Variants in SDC3 observed in about 807,000 individuals in gnomAD.
The protein encoded by SDC3 is syndecan 3, also known as syndecan-3.
A neutral mutation model predicts 24.4 loss-of-function variants in SDC3; 13 were observed. That is an observed-to-expected ratio of 0.53 (90% CI 0.35 to 0.85). SDC3 has a LOEUF of 0.85. SDC3 is among the 40% of genes least tolerant of loss of function. The pLI is 0.01. For synonymous variants in SDC3, 295 were observed against 260.9 expected (o/e 1.13, Z -1.26); for missense variants, 571 against 584.5 (o/e 0.98, Z 0.24).
intron 1 of SDC3, among the ~76,000 whole-genome samples, chr1:30,907,018 A>G (rs1638530778): frequency 1.3e-5 from 2 of 152,128 alleles, no homozygotes; most frequent in Non-Finnish European, 2.9e-5. Context: ...AAGGCTGAGG[A>G]GGGGCCTGTC....
At chr1:30,892,341 A>T (rs1303499340) in intron 1 of SDC3, among the ~76,000 whole-genome samples, 1 of 152,136 alleles carries the variant, frequency 6.6e-6, no homozygotes, top group African/African-American at 2.4e-5. Context: ...AGCTTCTGCC[A>T]GTAGGGACCT....
intron 1 of SDC3, among the ~76,000 whole-genome samples, chr1:30,904,896 G>A (rs4949324): frequency 0.7 from 106,140 of 152,020 alleles, 37,525 homozygotes; most frequent in South Asian, 0.84. Flanking sequence ...TCATTTCCAA[G>A]TCACAACATC....
In SDC3 at chr1:30,878,623, A is replaced by G. The variant is rs768050511; in HGVS notation, c.256T>C (p.Tyr86His). 1 of 1,612,976 alleles carries G rather than the reference A, an allele frequency of 6.2e-7. No individual in the cohort carries two copies. The highest frequency in any genetic ancestry group is 8.5e-7 in the Non-Finnish European group (1 of 1,178,876). Residue 86 changes from tyrosine (Y) to histidine (H), a missense_variant and splice_region_variant, in exon 2 of 5, where the codon TAC becomes CAC. Tyr to His is a moderately conservative substitution (Grantham distance 83). Coordinates refer to ENST00000339394, the MANE Select transcript of SDC3 (RefSeq NM_014654.4). ...DDLYSGSGSGYFEQESGIETA... is the reference protein window; with the variant it reads ...DDLYSGSGSGHFEQESGIETA... ...CAGAGGTAGGGAGGGGGGTACTTAC[A>G]GCCCGAGCCCGACCCCGAGTAGAGG... is the stretch of plus-strand genomic sequence containing the variant.
At chr1:30,908,403 G>T (rs1638574882) in intron 1 of SDC3, 46 bp downstream of exon 1, 1 of 996,858 alleles carries the variant, frequency 1.0e-6, no homozygotes, top group African/African-American at 1.8e-5. Flanking sequence ...CGCGCGGGGG[G>T]CGGCCCCGGG....
chr1:30,886,270 C>T (rs554324872), intron 1 of SDC3, among the ~76,000 whole-genome samples: 1 of 152,302 alleles, frequency 6.6e-6, no homozygotes, highest in East Asian at 1.9e-4. Context: ...GGTTATTAAG[C>T]TCCTACTGTG....
At chr1:30,893,840 CCGG>C (rs1044341566) in intron 1 of SDC3, among the ~76,000 whole-genome samples, 3 of 152,150 alleles carry the variant, frequency 2.0e-5, no homozygotes, top group African/African-American at 7.2e-5. Context: ...CCCTAGCCTG[CCGG>C]CATCCAGAGT....
intron 1 of SDC3, among the ~76,000 whole-genome samples, chr1:30,880,387 G>C (rs895637744): frequency 1.3e-5 from 2 of 150,998 alleles, no homozygotes; most frequent in Non-Finnish European, 3.0e-5. Flanking sequence ...GGGTGGGCTG[G>C]GGGTACGAGA....
At chr1:30,885,850 C>T (rs966650076) in intron 1 of SDC3, among the ~76,000 whole-genome samples, 2 of 152,226 alleles carry the variant, frequency 1.3e-5, no homozygotes, top group African/African-American at 2.4e-5. Context: ...GGCTGCCCTA[C>T]AGCAGCCCAC....
intron 4 of SDC3, among the ~76,000 whole-genome samples, chr1:30,873,876 T>G (rs1639585147): frequency 6.6e-6 from 1 of 151,448 alleles, no homozygotes. Context: ...GAACCAGGAG[T>G]CCACAGACTC....
At chr1:30,874,258 T>A in intron 4 of SDC3, 39 bp downstream of exon 4, 2 of 1,529,108 alleles carry the variant, frequency 1.3e-6, no homozygotes, top group Non-Finnish European at 1.8e-6. Flanking sequence ...CACTCTGGTA[T>A]CCTCCCAGGC....
rs1360753195 is a variant in SDC3 at position 30,876,873 on chromosome 1, C to A, written c.549G>T (p.Val183=). ...DPTVATVPAT[V]ATATPSTPAA... is the part of the protein sequence containing the mutation. ...CAGGGGTGCTGGGGGTGGCGGTGGC[C>A]ACTGTGGCAGGCACTGTGGCCACAG... Residue 183 remains valine, a synonymous_variant, in exon 3 of 5, where the codon GTG becomes GTT. Coordinates refer to ENST00000339394, the MANE Select transcript of SDC3 (RefSeq NM_014654.4). 6.2e-7 allele frequency: 1 copy of A among 1,613,536 alleles called. No homozygotes were observed. The highest frequency in any genetic ancestry group is 8.5e-7 in the Non-Finnish European group (1 of 1,179,716).
rs935221025 is a variant in SDC3, at chr1:30,878,487, CAAG to C, written c.256+133_256+135del. The C allele has an allele frequency of 3.3e-5, 22 of 671,834 alleles. No individual in the cohort carries two copies. In the Middle Eastern group the frequency reaches 1.3e-3, roughly 40 times the overall value. The allele number at this position is 671,834 out of a possible 1,614,324, so 41.6% of individuals were successfully genotyped here. A position where few individuals can be genotyped will look rare whatever the true frequency, so the allele number is the denominator to read the frequency against. The stretch of plus-strand genomic sequence containing the variant: ...CCCTTCTTGTTCTGGGGATCCAGAG[CAAG>C]AAGAACTTGCCTGACCCAGGCAGTG... On this transcript the variant is annotated intron_variant, in intron 2 of 4. Coordinates refer to ENST00000339394, the MANE Select transcript of SDC3 (RefSeq NM_014654.4).
chr1:30,877,035 G>T lies in SDC3; in HGVS notation c.387C>A (p.Leu129=). The change falls in exon 3 of 5, where the codon CTC becomes CTA. Residue 129 remains leucine (L), a synonymous_variant. Transcript: ENST00000339394. ...IQPVGTPFEE[L]PSERPTLEPA... Reference sequence around the variant, plus strand: ...GCTCCAGGGTGGGGCGCTCAGAGGGGAGCTCTTCAAATGGTGTGCCCACAG... The same window carrying T: ...GCTCCAGGGTGGGGCGCTCAGAGGGTAGCTCTTCAAATGGTGTGCCCACAG... 1 of 1,613,914 alleles carries T rather than the reference G, an allele frequency of 6.2e-7. No homozygotes were observed. Among genetic ancestry groups the T allele is most frequent in the Non-Finnish European group, 8.5e-7 (1 of 1,179,978 alleles).
At chr1:30,886,722 A>C (rs986646074) in intron 1 of SDC3, among the ~76,000 whole-genome samples, 1 of 152,132 alleles carries the variant, frequency 6.6e-6, no homozygotes, top group African/African-American at 2.4e-5. Flanking sequence ...TCCACTGAGC[A>C]CTTTTCTGGA....
At chr1:30,894,343 T>C (rs9700360) in intron 1 of SDC3, among the ~76,000 whole-genome samples, 1 of 79,704 alleles carries the variant, frequency 1.3e-5, no homozygotes, top group South Asian at 5.0e-4. Flanking sequence ...GTGTGTGGGG[T>C]GTGTGGATGA....
At chr1:30,909,484 G>T (rs1026411141), upstream of SDC3, among the ~76,000 whole-genome samples, 1 of 152,206 alleles carries the variant, frequency 6.6e-6, no homozygotes, top group Non-Finnish European at 1.5e-5. Context: ...ACCCCCTCCA[G>T]TGCAGGATGG....
At chr1:30,874,186 A>T (rs1639589574) in intron 4 of SDC3, 111 bp downstream of exon 4, 6 of 887,232 alleles carry the variant, frequency 6.8e-6, no homozygotes, top group Non-Finnish European at 1.0e-5. Flanking sequence ...GGCTCCTAGG[A>T]AACCACGCCC....
chr1:30,869,536 C>CAAAAA lies in SDC3; in HGVS notation c.*3670_*3674dup, dbSNP rs11338317. ...AGGAAGTGTTAAAAAAACAAACAAACAAAAAAAAAAAAAAAAAAAAAAAAA... is the reference window on the plus strand; with the variant it reads ...AGGAAGTGTTAAAAAAACAAACAAACAAAAAAAAAAAAAAAAAAAAAAAAAAAAAA... On this transcript the variant is annotated 3_prime_UTR_variant, in exon 5 of 5. Coordinates refer to ENST00000339394, the MANE Select transcript of SDC3 (RefSeq NM_014654.4). The CAAAAA allele has an allele frequency of 1.5e-4, 51 of 348,132 alleles. No individual in the cohort carries two copies. Among genetic ancestry groups the CAAAAA allele is most frequent in the Admixed American group, 2.7e-4 (5 of 18,286 alleles). The allele number at this position is 348,132 out of a possible 1,614,324, so 21.6% of individuals were successfully genotyped here.
At chr1:30,886,772 G>T (rs1405914964) in intron 1 of SDC3, among the ~76,000 whole-genome samples, 2 of 152,158 alleles carry the variant, frequency 1.3e-5, no homozygotes, top group Non-Finnish European at 2.9e-5. Context: ...AATGATCACA[G>T]CCCCGACGGA....
Sources: allele counts gnomAD v4.1 joint callset (sites outside exome capture counted in the v4.1 genomes callset), GRCh38; gene constraint gnomAD v4.1.1; transcripts MANE v1.5; gene names NCBI Gene and HGNC (gene_info 2026-07-23, HGNC 2026-07-21).